CNNM2: variants seen among roughly 807,000 people sequenced by gnomAD.
The protein encoded by CNNM2 is cyclin and CBS domain divalent metal cation transport mediator 2.
Under a neutral mutation model 66.9 loss-of-function variants are expected in CNNM2, and 12 were observed. That is an observed-to-expected ratio of 0.18 (90% CI 0.11 to 0.29). CNNM2 has a LOEUF of 0.29. CNNM2 is among the 10% of genes least tolerant of loss of function. The pLI is 1.00. For missense variants in CNNM2, 705 were observed against 1,167.7 expected (o/e 0.60, Z 5.77); for synonymous variants, 557 against 501.8 (o/e 1.11, Z -1.47).
chr10:102,975,521 A>G (rs1051660049), intron 1 of CNNM2, among the ~76,000 whole-genome samples: 3 of 151,024 alleles, frequency 2.0e-5, no homozygotes, highest in Non-Finnish European at 4.4e-5. Flanking sequence ...GCCTTTTCTC[A>G]TCAGTGATAC....
At chr10:103,075,874 C>G (rs546232107) in intron 6 of CNNM2, among the ~76,000 whole-genome samples, 1 of 152,252 alleles carries the variant, frequency 6.6e-6, no homozygotes, top group South Asian at 2.1e-4. Context: ...TACACAGGGC[C>G]AAGCAGCTGA....
chr10:102,943,486 T>C (rs1421569087), intron 1 of CNNM2, among the ~76,000 whole-genome samples: 1 of 152,120 alleles, frequency 6.6e-6, no homozygotes, highest in Non-Finnish European at 1.5e-5. Flanking sequence ...TGGTAGGAGA[T>C]ACACTGAAAT....
chr10:103,016,766 C>T (rs182348902), intron 1 of CNNM2, among the ~76,000 whole-genome samples: 2 of 152,250 alleles, frequency 1.3e-5, no homozygotes, highest in East Asian at 1.9e-4. Flanking sequence ...ATAGGGAAGA[C>T]AGCGAATGGA....
chr10:102,978,208 CT>C lies in CNNM2; in HGVS notation c.1621+58123del, dbSNP rs79672869. On this transcript the variant is annotated intron_variant, in intron 1 of 7. Coordinates refer to ENST00000369878, the MANE Select transcript of CNNM2 (RefSeq NM_017649.5). ...ACGGACGTAAGCCACCATGCCTGGA[CT>C]TTTTTTTTTTTTTTTAAGCTCCACT... Among the ~76,000 whole-genome samples the C allele has an allele frequency of 3.7e-3, 514 of 137,980 alleles. No homozygotes were observed. The highest frequency in any genetic ancestry group is 0.011 in the Middle Eastern group (3 of 264). The allele number at this position is 137,980 out of a possible 152,430, so 90.5% of individuals were successfully genotyped here.
Position 102,919,065 on chromosome 10 carries a change from C to A in CNNM2, c.585C>A (p.Leu195=). ...KSKSYYLCTS[L]STPALGAGGS... ...AGTCCTATTACCTGTGCACGTCGCT[C>A]TCCACGCCCGCCCTGGGCGCCGGCG... The change falls in exon 1 of 8, where the codon CTC becomes CTA. Residue 195 remains leucine (L), a synonymous_variant. Transcript: ENST00000369878. 1 of 1,612,268 alleles carries A rather than the reference C, an allele frequency of 6.2e-7. No individual in the cohort carries two copies. The highest frequency in any genetic ancestry group is 1.1e-5 in the South Asian group (1 of 91,062).
chr10:102,978,994 A>G (rs1219050291), intron 1 of CNNM2, among the ~76,000 whole-genome samples: 2 of 152,222 alleles, frequency 1.3e-5, no homozygotes, highest in Non-Finnish European at 2.9e-5. Flanking sequence ...TTGTGTTAAT[A>G]TACCACGATT....
In CNNM2 at chr10:103,084,837, A is replaced by G. The variant is rs185519549; in HGVS notation, c.*7657A>G. ...AAAGTGGTTAAAAACTGACCTTTTTATAGCCTGGAGTTGATTTCTGGAAAC... is the reference window on the plus strand; with the variant it reads ...AAAGTGGTTAAAAACTGACCTTTTTGTAGCCTGGAGTTGATTTCTGGAAAC... On this transcript the variant is annotated 3_prime_UTR_variant, in exon 8 of 8. Coordinates refer to ENST00000369878, the MANE Select transcript of CNNM2 (RefSeq NM_017649.5). 4 of 152,288 alleles carry G rather than the reference A, an allele frequency of 2.6e-5. No homozygotes were observed. The highest frequency in any genetic ancestry group is 6.5e-5 in the Admixed American group (1 of 15,296). 9.4% of individuals were successfully genotyped at this position (152,288 alleles called of 1,614,324 possible).
chr10:103,024,333 T>A (rs975772590), intron 1 of CNNM2, among the ~76,000 whole-genome samples: 7 of 152,178 alleles, frequency 4.6e-5, no homozygotes, highest in Admixed American at 3.3e-4. Flanking sequence ...TTATATTGGT[T>A]TCATTTATCT....
At chr10:103,034,091 G>A (rs1372850216) in intron 1 of CNNM2, among the ~76,000 whole-genome samples, 1 of 151,676 alleles carries the variant, frequency 6.6e-6, no homozygotes, top group Non-Finnish European at 1.5e-5. Context: ...TTATCTAGAT[G>A]ATTAATTTTC....
intron 1 of CNNM2, among the ~76,000 whole-genome samples, chr10:102,930,686 ATACC>A (rs1208064966): frequency 1.3e-5 from 2 of 152,214 alleles, no homozygotes; most frequent in East Asian, 3.8e-4. Context: ...AAGAAACTCC[ATACC>A]TCTTTGCAGT....
rs2065757153 is a variant in CNNM2, at chr10:103,081,561, T to TC, written c.*4382dup. ...TTATCTTTTCCTATTTCTTAGGTGT[T>TC]CAAGTTGGTTAATAGGAGAGAGACG... On this transcript the variant is annotated 3_prime_UTR_variant, in exon 8 of 8. Transcript: ENST00000369878. The TC allele has an allele frequency of 1.3e-5, 2 of 152,172 alleles. No individual in the cohort carries two copies. Among genetic ancestry groups the TC allele is most frequent in the South Asian group, 2.1e-4 (1 of 4,830 alleles). 9.4% of individuals were successfully genotyped at this position (152,172 alleles called of 1,614,324 possible). A position where few individuals can be genotyped will look rare whatever the true frequency, so the allele number is the denominator to read the frequency against.
rs1309742012 is a variant in CNNM2, at chr10:102,918,428, G to T, written c.-53G>T. 1.9e-6 allele frequency: 3 copies of T among 1,568,606 alleles called. No individual in the cohort carries two copies. Among genetic ancestry groups the T allele is most frequent in the Non-Finnish European group, 2.6e-6 (3 of 1,163,572 alleles). ...CAGTCTCGCCCAGGGGCCGGTACCT[G>T]CGCTCGCGCCGCCGGGTTGAAAGGA... On this transcript the variant is annotated 5_prime_UTR_variant, in exon 1 of 8. Transcript: ENST00000369878. The surrounding 1 kb of genome is among the most constrained non-coding windows in gnomAD (Gnocchi z 4.1).
At chr10:103,021,154 G>C (rs1179249084) in intron 1 of CNNM2, among the ~76,000 whole-genome samples, 1 of 152,102 alleles carries the variant, frequency 6.6e-6, no homozygotes, top group East Asian at 1.9e-4. Flanking sequence ...GGCAGTGCTT[G>C]GGAGAAAAGT....
intron 1 of CNNM2, among the ~76,000 whole-genome samples, chr10:102,986,876 T>G (rs1446616824): frequency 6.6e-6 from 1 of 152,106 alleles, no homozygotes; most frequent in Non-Finnish European, 1.5e-5. Context: ...AATAGGGATT[T>G]TGTGTAAGTG....
At chr10:103,068,234 T>C (rs2065513585) in intron 4 of CNNM2, among the ~76,000 whole-genome samples, 1 of 152,154 alleles carries the variant, frequency 6.6e-6, no homozygotes, top group Admixed American at 6.5e-5. Flanking sequence ...CCAGGCACAG[T>C]GATTCACGCC....
At chr10:102,932,534 T>C (rs893016113) in intron 1 of CNNM2, among the ~76,000 whole-genome samples, 2 of 152,338 alleles carry the variant, frequency 1.3e-5, no homozygotes, top group African/African-American at 2.4e-5. Context: ...TCCAACTTTA[T>C]TGTTTTGCAT....
At chr10:102,939,986 A>C (rs1235238034) in intron 1 of CNNM2, among the ~76,000 whole-genome samples, 1 of 135,548 alleles carries the variant, frequency 7.4e-6, no homozygotes, top group Non-Finnish European at 1.7e-5. Context: ...AACAAACAAC[A>C]ACAACAACAA....
intron 5 of CNNM2, among the ~76,000 whole-genome samples, chr10:103,071,008 A>G (rs558442148): frequency 6.6e-6 from 1 of 152,310 alleles, no homozygotes; most frequent in African/African-American, 2.4e-5. Context: ...TAACTTTACA[A>G]CTAAGATTTG....
chr10:103,060,220 C>T (rs977504422), intron 4 of CNNM2, among the ~76,000 whole-genome samples: 2 of 152,082 alleles, frequency 1.3e-5, no homozygotes, highest in Non-Finnish European at 2.9e-5. Flanking sequence ...ATAGAAATTT[C>T]ATGAAACTAC....
Sources: gnomAD v4.1 joint callset for allele counts (sites outside exome capture counted in the v4.1 genomes callset) on GRCh38, gnomAD v4.1.1 for gene constraint, Gnocchi (gnomAD v3.1) non-coding constraint, MANE v1.5 for transcripts, NCBI Gene and HGNC (gene_info 2026-07-23, HGNC 2026-07-21) for gene names.